HCN1: variants seen among roughly 807,000 people sequenced by gnomAD.
The protein encoded by HCN1 is hyperpolarization activated cyclic nucleotide gated potassium channel 1.
A neutral mutation model predicts 78.9 loss-of-function variants in HCN1; 13 were observed. The ratio of observed to expected loss-of-function variants is 0.16; its 90% CI spans 0.11 to 0.26. HCN1 has a LOEUF of 0.26. Among genes scored for constraint, HCN1 ranks in the 10% least tolerant of loss-of-function variants. The probability of loss-of-function intolerance (pLI) is 1.00; values close to 1 mark genes in which losing one functional copy is unlikely to be tolerated. For missense variants in HCN1, 810 were observed against 1,154.3 expected (o/e 0.70, Z 4.32); for synonymous variants, 552 against 455.5 (o/e 1.21, Z -2.70).
intron 3 of HCN1, among the ~76,000 whole-genome samples, chr5:45,401,810 G>A (rs904280796): frequency 2.6e-5 from 4 of 151,804 alleles, no homozygotes; most frequent in Non-Finnish European, 5.9e-5. Context: ...TATAAAAATG[G>A]TATTTGTGTC....
intron 6 of HCN1, among the ~76,000 whole-genome samples, chr5:45,267,890 AC>A (rs1347520986): frequency 6.6e-6 from 1 of 152,222 alleles, no homozygotes; most frequent in Non-Finnish European, 1.5e-5. Context: ...AAGAAAAAAA[AC>A]AAAAACAAAA....
chr5:45,318,274 T>A (rs1054659579), intron 5 of HCN1, among the ~76,000 whole-genome samples: 1 of 152,088 alleles, frequency 6.6e-6, no homozygotes, highest in African/African-American at 2.4e-5. Context: ...GGGACATGGA[T>A]GAAGCTGGAA....
intron 1 of HCN1, among the ~76,000 whole-genome samples, chr5:45,659,955 G>A (rs1231016110): frequency 3.4e-5 from 5 of 146,040 alleles, no homozygotes; most frequent in Non-Finnish European, 6.0e-5. Context: ...TACAGAGAAC[G>A]CCACAAAGAT....
At chr5:45,407,173 C>T (rs570727734) in intron 3 of HCN1, among the ~76,000 whole-genome samples, 64 of 152,080 alleles carry the variant, frequency 4.2e-4, no homozygotes, top group African/African-American at 1.4e-3. Context: ...AATGATGGAC[C>T]GTACATTCAG....
chr5:45,449,127 T>G (rs1281204396), intron 3 of HCN1, among the ~76,000 whole-genome samples: 2 of 152,252 alleles, frequency 1.3e-5, no homozygotes, highest in Admixed American at 1.3e-4. Context: ...TTTATTTAGT[T>G]GGCATATATA....
At chr5:45,313,742 C>A (rs753313055) in intron 5 of HCN1, among the ~76,000 whole-genome samples, 1 of 152,040 alleles carries the variant, frequency 6.6e-6, no homozygotes, top group Non-Finnish European at 1.5e-5. Flanking sequence ...GTAGCCAATT[C>A]GATCAACTGG....
chr5:45,366,677 A>T (rs1747244990), intron 4 of HCN1, among the ~76,000 whole-genome samples: 1 of 151,830 alleles, frequency 6.6e-6, no homozygotes, highest in African/African-American at 2.4e-5. Flanking sequence ...TAATCTGAAG[A>T]ATAATTTTTA....
chr5:45,419,953 C>T (rs888239587), intron 3 of HCN1, among the ~76,000 whole-genome samples: 2 of 152,082 alleles, frequency 1.3e-5, no homozygotes, highest in Non-Finnish European at 2.9e-5. Flanking sequence ...TCTGTTGGGA[C>T]CCTGCCTGTG....
chr5:45,559,942 G>A (rs1743560217), intron 2 of HCN1: 1 of 152,132 alleles, frequency 6.6e-6, no homozygotes, highest in Non-Finnish European at 1.5e-5. Context: ...TAAGCCAGTT[G>A]CCATCAATAT....
intron 6 of HCN1, among the ~76,000 whole-genome samples, chr5:45,282,700 C>T (rs777120901): frequency 1.3e-5 from 2 of 152,140 alleles, no homozygotes; most frequent in Non-Finnish European, 2.9e-5. Flanking sequence ...CTACTTAGTT[C>T]CAGCTACGTG....
chr5:45,573,468 TC>T (rs1032739161), intron 2 of HCN1, among the ~76,000 whole-genome samples: 1 of 128,880 alleles, frequency 7.8e-6, no homozygotes, highest in African/African-American at 3.4e-5. Flanking sequence ...TCCAATAACC[TC>T]CCCCCACCCC....
chr5:45,467,285 G>C (rs1741293051), intron 2 of HCN1, among the ~76,000 whole-genome samples: 1 of 152,058 alleles, frequency 6.6e-6, no homozygotes, highest in Non-Finnish European at 1.5e-5. Context: ...CTTAGGTTCT[G>C]ATGTGAGTGC....
At chr5:45,693,405 T>A (rs1739951403) in intron 1 of HCN1, among the ~76,000 whole-genome samples, 1 of 152,154 alleles carries the variant, frequency 6.6e-6, no homozygotes, top group Admixed American at 6.5e-5. Context: ...AAGATCTAAA[T>A]AATGATAATT....
intron 4 of HCN1, among the ~76,000 whole-genome samples, chr5:45,370,997 A>G (rs1372922560): frequency 6.6e-6 from 1 of 152,098 alleles, no homozygotes; most frequent in Non-Finnish European, 1.5e-5. Flanking sequence ...GGAGAAAAAT[A>G]TATCAAAGCT....
intron 1 of HCN1, among the ~76,000 whole-genome samples, chr5:45,686,123 A>ATT (rs386358074): frequency 6.0e-5 from 9 of 150,914 alleles, no homozygotes; most frequent in Non-Finnish European, 1.2e-4. Context: ...ATATATATAT[A>ATT]TTTTTTTCTA....
intron 4 of HCN1, among the ~76,000 whole-genome samples, chr5:45,377,568 A>G (rs569805257): frequency 2.6e-4 from 40 of 152,092 alleles, no homozygotes; most frequent in Non-Finnish European, 1.6e-4. Context: ...AGCAAAGTTA[A>G]TGACTTTGGT....
At chr5:45,524,670 G>T (rs1742693036) in intron 2 of HCN1, among the ~76,000 whole-genome samples, 1 of 151,990 alleles carries the variant, frequency 6.6e-6, no homozygotes, top group Non-Finnish European at 1.5e-5. Context: ...TCTGTTATTG[G>T]TGTATAAGAA....
intron 2 of HCN1, among the ~76,000 whole-genome samples, chr5:45,570,436 A>T (rs1433542626): frequency 6.6e-6 from 1 of 152,136 alleles, no homozygotes. Flanking sequence ...TTTTGGCAAT[A>T]ATCTTTTCAC....
chr5:45,324,071 T>C (rs1357712608), intron 5 of HCN1, among the ~76,000 whole-genome samples: 1 of 144,664 alleles, frequency 6.9e-6, no homozygotes, highest in Non-Finnish European at 1.5e-5. Context: ...TTTGGGTATA[T>C]ACCCAGTAAT....
Sources: gnomAD v4.1 joint callset for allele counts (sites outside exome capture counted in the v4.1 genomes callset) on GRCh38, gnomAD v4.1.1 for gene constraint, MANE v1.5 for transcripts, NCBI Gene and HGNC (gene_info 2026-07-23, HGNC 2026-07-21) for gene names.